Variants in ABI3BP observed in about 807,000 individuals in gnomAD.
The protein encoded by ABI3BP is target of Nesh-SH3.
Under a neutral mutation model 268.6 loss-of-function variants are expected in ABI3BP, and 216 were observed. That is an observed-to-expected ratio of 0.80 (90% CI 0.72 to 0.90). The LOEUF is 0.90. ABI3BP is among the 40% of genes least tolerant of loss of function. The probability of loss-of-function intolerance (pLI) is 0.00; values close to 1 mark genes in which losing one functional copy is unlikely to be tolerated. For missense variants in ABI3BP, 2,090 were observed against 2,182.4 expected (o/e 0.96, Z 0.84); for synonymous variants, 730 against 730.0 (o/e 1.00, Z 0.00).
intron 1 of ABI3BP, among the ~76,000 whole-genome samples, chr3:100,991,515 A>C (rs2092912381): frequency 6.6e-6 from 1 of 152,194 alleles, no homozygotes; most frequent in South Asian, 2.1e-4. Flanking sequence ...GACAGGAATC[A>C]GCTGCCCTTC....
intron 2 of ABI3BP, among the ~76,000 whole-genome samples, chr3:100,904,809 G>C (rs568106206): frequency 1.1e-3 from 166 of 152,300 alleles, no homozygotes; most frequent in African/African-American, 3.9e-3. Context: ...TTACACTGTT[G>C]GTGGGACTGT....
chr3:100,963,852 T>C (rs1158490107), intron 1 of ABI3BP, among the ~76,000 whole-genome samples: 1 of 152,176 alleles, frequency 6.6e-6, no homozygotes, highest in Admixed American at 6.5e-5. Flanking sequence ...CTGAAAGTCC[T>C]CAGTTAGTTA....
intron 15 of ABI3BP, among the ~76,000 whole-genome samples, chr3:100,851,413 G>C (rs1214846419): frequency 6.6e-6 from 1 of 152,094 alleles, no homozygotes; most frequent in Non-Finnish European, 1.5e-5. Context: ...GTACTGCAGG[G>C]GTTTGGCAGC....
At chr3:100,783,551 A>G (rs1296876588) in intron 57 of ABI3BP, among the ~76,000 whole-genome samples, 3 of 152,218 alleles carry the variant, frequency 2.0e-5, no homozygotes, top group Non-Finnish European at 4.4e-5. Context: ...AACTTTTTCT[A>G]TACTTGCTTT....
At position 100,926,482 on chromosome 3, in the gene ABI3BP, C is replaced by T; in HGVS notation, c.80-1G>A. 6.2e-7 allele frequency: 1 copy of T among 1,612,156 alleles called. No individual in the cohort carries two copies. Among genetic ancestry groups the T allele is most frequent in the Non-Finnish European group, 8.5e-7 (1 of 1,178,592 alleles). On this transcript the variant is annotated splice_acceptor_variant, in intron 1 of 67. Coordinates refer to ENST00000471714, the MANE Select transcript of ABI3BP (RefSeq NM_001375547.2). LOFTEE classifies it high-confidence loss of function. ...TGGACTTTGAGGTTTGGCCTTTTAC[C>T]TAACAATGGGAATGAAAACATCGAT...
rs112672380 is a variant in ABI3BP, at chr3:100,968,270, T to C, written c.79+25036A>G. ...GTATATATATTTTTCCTAAGGGGAA[T>C]AAAATGCCAAGGAAGGAATTTCATG... On this transcript the variant is annotated intron_variant, in intron 1 of 67. Coordinates refer to ENST00000471714, the MANE Select transcript of ABI3BP (RefSeq NM_001375547.2). Among the ~76,000 whole-genome samples, 629 of 152,318 alleles carry C rather than the reference T, an allele frequency of 4.1e-3. 3 individuals are homozygous for C. The highest frequency in any genetic ancestry group is 0.014 in the African/African-American group (593 of 41,580).
intron 14 of ABI3BP, among the ~76,000 whole-genome samples, chr3:100,852,590 C>A (rs2098863743): frequency 6.6e-6 from 1 of 152,138 alleles, no homozygotes; most frequent in South Asian, 2.1e-4. Flanking sequence ...CTGAAATTGT[C>A]CCATCCAGTG....
chr3:100,903,048 C>T (rs565859570), intron 2 of ABI3BP, among the ~76,000 whole-genome samples: 15 of 152,198 alleles, frequency 9.9e-5, no homozygotes, highest in African/African-American at 3.4e-4. Context: ...GAGCCAATCC[C>T]GATGCTCCAG....
At chr3:100,970,228 T>A (rs540002451) in intron 1 of ABI3BP, among the ~76,000 whole-genome samples, 1 of 152,220 alleles carries the variant, frequency 6.6e-6, no homozygotes, top group African/African-American at 2.4e-5. Context: ...AATGAACGAC[T>A]GGCTTTTGAT....
At chr3:100,816,821 C>T in intron 42 of ABI3BP, 53 bp from the exon 43 acceptor site, 1 of 1,390,958 alleles carries the variant, frequency 7.2e-7, no homozygotes, top group Non-Finnish European at 9.8e-7. Context: ...GGAGACAAAA[C>T]TTTAGGTTTT....
intron 1 of ABI3BP, among the ~76,000 whole-genome samples, chr3:100,934,350 T>G (rs1244217127): frequency 6.6e-6 from 1 of 152,058 alleles, no homozygotes; most frequent in Non-Finnish European, 1.5e-5. Context: ...CCATGGTATA[T>G]ATGTGCCACA....
At chr3:100,970,419 C>G (rs2083085797) in intron 1 of ABI3BP, among the ~76,000 whole-genome samples, 1 of 152,214 alleles carries the variant, frequency 6.6e-6, no homozygotes, top group Non-Finnish European at 1.5e-5. Flanking sequence ...TGACAAAGTA[C>G]ATGATGCCCA....
At chr3:100,783,463 T>C (rs146672086) in intron 57 of ABI3BP, among the ~76,000 whole-genome samples, 192 of 152,296 alleles carry the variant, frequency 1.3e-3, no homozygotes, top group African/African-American at 3.9e-3. Flanking sequence ...TCAATAAATG[T>C]TGGTTGAATG....
intron 66 of ABI3BP, chr3:100,752,578 G>A: frequency 2.0e-6 from 1 of 489,706 alleles, no homozygotes; most frequent in East Asian, 3.1e-5. Flanking sequence ...TTTTATAATT[G>A]CATTTTTATT....
Position 100,895,610 on chromosome 3 carries a change from A to G in ABI3BP, c.461+3152T>C, listed in dbSNP as rs540664089. On this transcript the variant is annotated intron_variant, in intron 4 of 67. Coordinates refer to ENST00000471714, the MANE Select transcript of ABI3BP (RefSeq NM_001375547.2). ...ATATCAATGAATTAAAATGATACCAATTGGTGTTCCTGTAGCAAGCCAAGT... is the reference window on the plus strand; with the variant it reads ...ATATCAATGAATTAAAATGATACCAGTTGGTGTTCCTGTAGCAAGCCAAGT... Among the ~76,000 whole-genome samples the G allele has an allele frequency of 6.1e-4, 93 of 152,310 alleles. 1 individual carries two copies. The highest frequency in any genetic ancestry group is 2.2e-3 in the African/African-American group (91 of 41,570).
intron 2 of ABI3BP, among the ~76,000 whole-genome samples, chr3:100,915,982 G>A (rs1391732643): frequency 6.6e-6 from 1 of 152,174 alleles, no homozygotes; most frequent in Non-Finnish European, 1.5e-5. Context: ...TCCTTTCCTA[G>A]TTTAGCAGAC....
At chr3:100,964,639 T>C (rs1468226825) in intron 1 of ABI3BP, among the ~76,000 whole-genome samples, 2 of 152,224 alleles carry the variant, frequency 1.3e-5, no homozygotes, top group African/African-American at 4.8e-5. Flanking sequence ...GAATGTAAGC[T>C]ACCTGAAGGC....
At chr3:100,783,961 G>A (rs765988189) in intron 57 of ABI3BP, among the ~76,000 whole-genome samples, 16 of 152,196 alleles carry the variant, frequency 1.1e-4, no homozygotes, top group African/African-American at 2.2e-4. Flanking sequence ...GCTGGGACAC[G>A]TCTCTGGAAA....
chr3:100,976,461 C>T (rs772748784), intron 1 of ABI3BP, among the ~76,000 whole-genome samples: 7 of 152,124 alleles, frequency 4.6e-5, no homozygotes, highest in Non-Finnish European at 8.8e-5. Context: ...GTATTCCTTC[C>T]TCAGTTTAGC....
Sources: allele counts gnomAD v4.1 joint callset (sites outside exome capture counted in the v4.1 genomes callset), GRCh38; gene constraint gnomAD v4.1.1; transcripts MANE v1.5; gene names NCBI Gene and HGNC (gene_info 2026-07-23, HGNC 2026-07-21).